The following CTNNA2 variants were observed in gnomAD, a reference collection of about 807,000 sequenced individuals.
CTNNA2 encodes the protein catenin alpha-2.
A neutral mutation model predicts 101.0 loss-of-function variants in CTNNA2; 42 were observed. That is an observed-to-expected ratio of 0.42 (90% CI 0.32 to 0.54). CTNNA2 has a LOEUF of 0.54. Ranked by LOEUF, CTNNA2 falls within the 20% of genes least tolerant of loss-of-function variation. The pLI is 0.14. For missense variants in CTNNA2, 871 were observed against 1,223.1 expected (o/e 0.71, Z 4.29); for synonymous variants, 450 against 456.4 (o/e 0.99, Z 0.18).
intron 7 of CTNNA2, among the ~76,000 whole-genome samples, chr2:80,099,672 G>A (rs1253615628): frequency 6.6e-6 from 1 of 151,546 alleles, no homozygotes; most frequent in Non-Finnish European, 1.5e-5. Context: ...AGAATTTTCA[G>A]CAGGTTCATC....
intron 9 of CTNNA2, among the ~76,000 whole-genome samples, chr2:80,506,421 G>C (rs1420523348): frequency 6.6e-6 from 1 of 152,158 alleles, no homozygotes; most frequent in African/African-American, 2.4e-5. Context: ...GCTGTTGGAG[G>C]CTGACCTGTG....
intron 7 of CTNNA2, among the ~76,000 whole-genome samples, chr2:80,109,622 C>T (rs758392960): frequency 1.4e-4 from 22 of 152,184 alleles, no homozygotes; most frequent in Non-Finnish European, 2.5e-4. Context: ...TGGCCGAGTA[C>T]AGCATAATGT....
At chr2:80,593,352 T>A (rs115776936) in intron 15 of CTNNA2, among the ~76,000 whole-genome samples, 2,793 of 151,940 alleles carry the variant, frequency 0.018, 91 homozygotes, top group African/African-American at 0.062. Flanking sequence ...TGTTTTTTTG[T>A]TTGTTTGTTT....
intron 7 of CTNNA2, among the ~76,000 whole-genome samples, chr2:79,919,907 T>G (rs893843533): frequency 2.0e-5 from 3 of 152,178 alleles, no homozygotes; most frequent in Non-Finnish European, 4.4e-5. Flanking sequence ...CTCTAACACC[T>G]CTCCATGCTT....
chr2:80,039,191 G>A (rs971417643), intron 7 of CTNNA2, among the ~76,000 whole-genome samples: 1 of 152,072 alleles, frequency 6.6e-6, no homozygotes, highest in African/African-American at 2.4e-5. Flanking sequence ...TAGGGAGGAT[G>A]GAAGGTAATC....
intron 2 of CTNNA2, among the ~76,000 whole-genome samples, chr2:79,698,303 G>A (rs1168915569): frequency 1.3e-5 from 2 of 151,904 alleles, no homozygotes; most frequent in East Asian, 3.9e-4. Flanking sequence ...ACAACTAATG[G>A]TACTATATAT....
chr2:79,453,405 C>T (rs1294372941), intron 4 of CTNNA2, among the ~76,000 whole-genome samples: 1 of 152,024 alleles, frequency 6.6e-6, no homozygotes, highest in Non-Finnish European at 1.5e-5. Flanking sequence ...AATTGTCATG[C>T]TATAAATGTG....
chr2:79,206,416 C>A (rs1036774565), intron 2 of CTNNA2, among the ~76,000 whole-genome samples: 7 of 152,106 alleles, frequency 4.6e-5, no homozygotes, highest in Non-Finnish European at 8.8e-5. Context: ...ATAAAAAGGG[C>A]CAGTCCTCAG....
chr2:79,531,353 TCTTA>T (rs1672732710), intron 1 of CTNNA2, among the ~76,000 whole-genome samples: 1 of 151,860 alleles, frequency 6.6e-6, no homozygotes, highest in African/African-American at 2.4e-5. Context: ...AGTTTTAAAT[TCTTA>T]CTTTGAATAA....
intron 3 of CTNNA2, among the ~76,000 whole-genome samples, chr2:79,747,255 G>A (rs775732837): frequency 2.6e-5 from 4 of 152,176 alleles, no homozygotes; most frequent in Non-Finnish European, 4.4e-5. Flanking sequence ...GTTTTCAGGT[G>A]CATTCGAAAA....
chr2:79,333,243 G>A (rs1406640851), intron 3 of CTNNA2, among the ~76,000 whole-genome samples: 1 of 152,138 alleles, frequency 6.6e-6, no homozygotes, highest in African/African-American at 2.4e-5. Context: ...GAGGAGAACT[G>A]AAGGAGCAGG....
chr2:79,467,647 A>G (rs1010499795), intron 4 of CTNNA2, among the ~76,000 whole-genome samples: 4 of 152,330 alleles, frequency 2.6e-5, no homozygotes, highest in Non-Finnish European at 4.4e-5. Context: ...GTTACCCACA[A>G]AGGGAAGCCT....
intron 12 of CTNNA2, among the ~76,000 whole-genome samples, chr2:80,567,925 C>A (rs367798198): frequency 6.6e-6 from 1 of 152,052 alleles, no homozygotes; most frequent in African/African-American, 2.4e-5. Flanking sequence ...TTATCTCTCT[C>A]GAACAGGGGC....
intron 2 of CTNNA2, among the ~76,000 whole-genome samples, chr2:79,309,830 T>C (rs566310840): frequency 6.6e-5 from 10 of 152,186 alleles, no homozygotes; most frequent in South Asian, 2.1e-4. Context: ...TGGCCCACTA[T>C]AATTTTTAAC....
At chr2:79,851,698 AT>A (rs1680716941) in intron 3 of CTNNA2, among the ~76,000 whole-genome samples, 1 of 78,680 alleles carries the variant, frequency 1.3e-5, no homozygotes, top group Non-Finnish European at 2.5e-5. Context: ...CCTTTTTCTC[AT>A]CCTTTTTTTT....
At chr2:79,547,650 C>T (rs1673821616) in intron 1 of CTNNA2, 1 of 152,186 alleles carries the variant, frequency 6.6e-6, no homozygotes, top group Non-Finnish European at 1.5e-5. Context: ...GGGCCTCCCT[C>T]TTATGAAAGT....
At chr2:80,358,799 A>G (rs1302430211) in intron 7 of CTNNA2, among the ~76,000 whole-genome samples, 2 of 152,142 alleles carry the variant, frequency 1.3e-5, no homozygotes, top group East Asian at 3.9e-4. Flanking sequence ...AGTATATTGA[A>G]TATGTTAACA....
intron 7 of CTNNA2, among the ~76,000 whole-genome samples, chr2:80,258,045 T>C (rs1410038671): frequency 2.0e-5 from 3 of 152,240 alleles, no homozygotes; most frequent in Non-Finnish European, 4.4e-5. Context: ...GTATATTTAT[T>C]ATGACAAATT....
At chr2:79,860,209 A>G (rs1558588572) in intron 4 of CTNNA2, among the ~76,000 whole-genome samples, 1 of 152,230 alleles carries the variant, frequency 6.6e-6, no homozygotes, top group Non-Finnish European at 1.5e-5. Flanking sequence ...ACAGAAGGAC[A>G]ATCTTCCTTT....
Sources: gnomAD v4.1 joint callset for allele counts (sites outside exome capture counted in the v4.1 genomes callset) on GRCh38, gnomAD v4.1.1 for gene constraint, MANE v1.5 for transcripts, NCBI Gene and HGNC (gene_info 2026-07-23, HGNC 2026-07-21) for gene names.